Variants in NRK observed in about 807,000 individuals in gnomAD.
NRK encodes nik-related protein kinase.
NRK carries 67 observed loss-of-function variants against 125.2 expected under a neutral mutation model. The ratio of observed to expected loss-of-function variants is 0.54; its 90% CI spans 0.44 to 0.66. NRK has a LOEUF of 0.66. NRK is among the 30% of genes least tolerant of loss of function. NRK has a pLI of 0.00. For synonymous variants in NRK, 458 were observed against 429.0 expected, an observed-to-expected ratio of 1.07 and a Z score of -0.84; for missense variants, 1,224 against 1,192.9, an observed-to-expected ratio of 1.03 and a Z score of -0.38.
Position 105,909,032 on chromosome X carries a change from A to G in NRK, c.1391A>G (p.Gln464Arg). ...KAKASKPLQM[Q>R]IKAPPRLRRA... Reference sequence around the variant, plus strand: ...AAGGCCTCTAAACCTCTACAAATGCAGATTAAGGCACCTCCACGACTACGG... The same window carrying G: ...AAGGCCTCTAAACCTCTACAAATGCGGATTAAGGCACCTCCACGACTACGG... Residue 464 changes from glutamine (Q) to arginine (R), a missense_variant, in exon 13 of 29, where the codon CAG becomes CGG. Physicochemically the swap from Gln to Arg is conservative, Grantham distance 43. Coordinates refer to ENST00000243300, the MANE Select transcript of NRK (RefSeq NM_198465.4). The G allele has an allele frequency of 8.3e-7, 1 of 1,210,835 alleles. No homozygotes were observed. The highest frequency in any genetic ancestry group is 1.1e-6 in the Non-Finnish European group (1 of 894,933).
At chrX:105,953,400 GAA>G (rs774985598) in intron 28 of NRK, among the ~76,000 whole-genome samples, 13 of 112,059 alleles carry the variant, frequency 1.2e-4, no homozygotes, top group Non-Finnish European at 1.9e-4. Context: ...AAAAAAATAA[GAA>G]AAAATTCTAG....
chrX:105,835,141 A>C (rs1330026316), intron 2 of NRK, among the ~76,000 whole-genome samples: 1 of 111,571 alleles, frequency 9.0e-6, no homozygotes, highest in Admixed American at 9.6e-5. Flanking sequence ...TTATTTCTTG[A>C]AATGGGCACA....
Position 105,888,377 on chromosome X carries a change from AT to A in NRK, c.341del (p.Phe114SerfsTer3), listed in dbSNP as rs1325167892. The part of the protein sequence containing the change: ...HKNIVSFYGA[F>X]FKLSPPGQRH... ...AAAACATTGTGTCCTTCTATGGAGC[AT>A]TTTTCAAGCTGAGTCCCCCTGGTCA... On this transcript the variant is annotated frameshift_variant, in exon 5 of 29. Transcript: ENST00000243300. LOFTEE classifies it high-confidence loss of function. 1 of 1,201,521 alleles carries A rather than the reference AT, an allele frequency of 8.3e-7. No individual in the cohort carries two copies. The highest frequency in any genetic ancestry group is 1.1e-6 in the Non-Finnish European group (1 of 889,202).
chrX:105,837,126 G>T (rs1770098066), intron 2 of NRK, among the ~76,000 whole-genome samples: 1 of 111,329 alleles, frequency 9.0e-6, no homozygotes, highest in South Asian at 3.7e-4. Flanking sequence ...TTGTGCCCCA[G>T]TTACAGCTAT....
At position 105,922,018 on chromosome X, in the gene NRK, C is replaced by T. The variant is rs776617589; in HGVS notation, c.2567C>T (p.Pro856Leu). The change falls in exon 17 of 29, where the codon CCA becomes CTA. Residue 856 changes from proline (P) to leucine (L), a missense_variant. Transcript: ENST00000243300. ...PVTGRRSQSS[P>L]PYSTIDQKLL... is the part of the protein sequence containing the mutation. ...ACTGGAAGGAGGTCTCAGTCATCAC[C>T]ACCTTATTCTACTATTGATCAGAAG... 1.7e-6 allele frequency: 2 copies of T among 1,179,714 alleles called. No individual in the cohort carries two copies. Among genetic ancestry groups the T allele is most frequent in the South Asian group, 3.6e-5 (2 of 55,176 alleles).
chrX:105,841,071 A>C (rs913133976), intron 2 of NRK, among the ~76,000 whole-genome samples: 1 of 111,368 alleles, frequency 9.0e-6, no homozygotes, highest in Non-Finnish European at 1.9e-5. Context: ...AAATAAGAAT[A>C]GTCCTAACTT....
At position 105,934,430 on chromosome X, in the gene NRK, T is replaced by C. The variant is rs1370889379; in HGVS notation, c.3485T>C (p.Phe1162Ser). Residue 1162 changes from phenylalanine to serine, a missense_variant, in exon 20 of 29, where the codon TTT becomes TCT. Phe to Ser is a radical substitution (Grantham distance 155, BLOSUM62 -2). Transcript: ENST00000243300. Reference sequence around the variant, plus strand: ...TCTGGGATGTCTGCTGATGCTAACTTTGCCAGTGCCATCTGTGAGTGTGTT... The same window carrying C: ...TCTGGGATGTCTGCTGATGCTAACTCTGCCAGTGCCATCTGTGAGTGTGTT... ...KGSGMSADAN[F>S]ASAILYAGFV... 5 of 1,186,355 alleles carry C rather than the reference T, an allele frequency of 4.2e-6. No homozygotes were observed. The South Asian group carries it at 7.3e-5, about 17-fold the overall frequency.
chrX:105,822,891 G>C lies in NRK; in HGVS notation c.46G>C (p.Gly16Arg). 2.6e-6 allele frequency: 3 copies of C among 1,169,993 alleles called. No individual in the cohort carries two copies. The South Asian group carries it at 5.7e-5, about 22-fold the overall frequency. Reference protein sequence around the residue: ...GWRDREVTDLGHLPDPTGIFS... With the variant: ...GWRDREVTDLRHLPDPTGIFS... The stretch of plus-strand genomic sequence containing the variant: ...GAGGGACAGGGAGGTCACGGATCTG[G>C]GCCACCTGCCGGTGAGTAGAGGACG... Residue 16 changes from glycine (G) to arginine (R), a missense_variant, in exon 1 of 29, where the codon GGC becomes CGC. Coordinates refer to ENST00000243300, the MANE Select transcript of NRK (RefSeq NM_198465.4).
chrX:105,907,953 T>G (rs2040241263), intron 11 of NRK: 1 of 167,354 alleles, frequency 6.0e-6, no homozygotes, highest in Admixed American at 8.2e-5. Flanking sequence ...CATTCTCCCT[T>G]TGTCCCATTC....
In NRK at chrX:105,909,400, G is replaced by A. The variant is rs1456744534; in HGVS notation, c.1759G>A (p.Val587Ile). The change falls in exon 13 of 29, where the codon GTA becomes ATA. Residue 587 changes from valine (V) to isoleucine (I), a missense_variant. Transcript: ENST00000243300. ...EPESLRVNAQ[V>I]FLPLLSQDHH... is the part of the protein sequence containing the mutation. ...TGAGTCATTACGAGTAAATGCCCAGGTATTTCTGCCCCTGCTATCACAAGA... is the reference window on the plus strand; with the variant it reads ...TGAGTCATTACGAGTAAATGCCCAGATATTTCTGCCCCTGCTATCACAAGA... 8.3e-7 allele frequency: 1 copy of A among 1,207,126 alleles called. No individual in the cohort carries two copies. Among genetic ancestry groups the A allele is most frequent in the Non-Finnish European group, 1.1e-6 (1 of 893,112 alleles).
chrX:105,847,920 A>G (rs939474094), intron 2 of NRK, among the ~76,000 whole-genome samples: 1 of 111,963 alleles, frequency 8.9e-6, no homozygotes, highest in African/African-American at 3.2e-5. Flanking sequence ...TCACAAAACT[A>G]ATGGGGACAA....
intron 2 of NRK, among the ~76,000 whole-genome samples, chrX:105,845,524 A>G (rs1361732393): frequency 8.9e-6 from 1 of 112,250 alleles, no homozygotes; most frequent in African/African-American, 3.2e-5. Flanking sequence ...TAATGTAAGT[A>G]TGTCCCAACA....
chrX:105,854,190 G>C (rs954187479), intron 2 of NRK, among the ~76,000 whole-genome samples: 9 of 112,061 alleles, frequency 8.0e-5, no homozygotes, highest in African/African-American at 2.9e-4. Context: ...GAAAGTTGTA[G>C]GATTCCCTCT....
At chrX:105,934,220 A>G in intron 19 of NRK, 38 bp from the exon 20 acceptor site, 3 of 964,799 alleles carry the variant, frequency 3.1e-6, no homozygotes, top group Non-Finnish European at 4.2e-6. Flanking sequence ...CTGTTAACCT[A>G]CTAATGAAAT....
chrX:105,913,704 G>A (rs1804021609), intron 14 of NRK, among the ~76,000 whole-genome samples: 1 of 111,259 alleles, frequency 9.0e-6, no homozygotes, highest in African/African-American at 3.3e-5. Flanking sequence ...TAGTTTGTCA[G>A]TCTTTCTTTA....
chrX:105,921,105 G>C lies in NRK; in HGVS notation c.2513-859G>C, dbSNP rs1428154044. Reference sequence around the variant, plus strand: ...CCAAATGTCCAACAATGATAGACTGGATTAAGAAAATGTGGCACATATACA... The same window carrying C: ...CCAAATGTCCAACAATGATAGACTGCATTAAGAAAATGTGGCACATATACA... On this transcript the variant is annotated intron_variant, in intron 16 of 28. Transcript: ENST00000243300. 1.9e-3 allele frequency among the ~76,000 whole-genome samples: 195 copies of C among 101,245 alleles called. 3 individuals are homozygous for C. The highest frequency in any genetic ancestry group is 6.9e-3 in the African/African-American group (189 of 27,515). 87.9% of individuals were successfully genotyped at this position (101,245 alleles called of 115,157 possible). A position where few individuals can be genotyped will look rare whatever the true frequency, so the allele number is the denominator to read the frequency against.
intron 2 of NRK, among the ~76,000 whole-genome samples, chrX:105,855,529 G>A (rs2039521495): frequency 9.0e-6 from 1 of 111,422 alleles, no homozygotes; most frequent in Non-Finnish European, 1.9e-5. Flanking sequence ...TGGGAGACAA[G>A]TCTGCATTTG....
intron 2 of NRK, among the ~76,000 whole-genome samples, chrX:105,848,724 ATTTCAT>A (rs1487163469): frequency 1.8e-5 from 2 of 111,513 alleles, no homozygotes; most frequent in Non-Finnish European, 3.8e-5. Context: ...TCTTTTTCTT[ATTTCAT>A]TTTAATTTTA....
chrX:105,873,119 T>C (rs2039769188), intron 2 of NRK, among the ~76,000 whole-genome samples: 1 of 111,738 alleles, frequency 8.9e-6, no homozygotes, highest in Non-Finnish European at 1.9e-5. Context: ...GGGGATTATG[T>C]GGTTTTGATT....
Sources: allele counts gnomAD v4.1 joint callset (sites outside exome capture counted in the v4.1 genomes callset), GRCh38; gene constraint gnomAD v4.1.1; transcripts MANE v1.5; gene names NCBI Gene and HGNC (gene_info 2026-07-23, HGNC 2026-07-21).